Variants in THSD4 observed in about 807,000 individuals in gnomAD.
THSD4 encodes thrombospondin type 1 domain containing 4.
A neutral mutation model predicts 119.0 loss-of-function variants in THSD4; 69 were observed. The ratio of observed to expected loss-of-function variants is 0.58; its 90% CI spans 0.48 to 0.71. The LOEUF is 0.71. THSD4 is among the 30% of genes least tolerant of loss of function. The pLI is 0.00. For synonymous variants in THSD4, 524 were observed against 540.4 expected (o/e 0.97, Z 0.42); for missense variants, 1,393 against 1,391.1 (o/e 1.00, Z -0.02).
At chr15:71,118,192 A>T (rs1413777919) in intron 1 of THSD4, among the ~76,000 whole-genome samples, 1 of 152,090 alleles carries the variant, frequency 6.6e-6, no homozygotes, top group Non-Finnish European at 1.5e-5. Context: ...GGTTGAATCC[A>T]GGTTACTTTT....
intron 7 of THSD4, among the ~76,000 whole-genome samples, chr15:71,432,013 A>G (rs768502564): frequency 6.6e-6 from 1 of 152,076 alleles, no homozygotes; most frequent in Non-Finnish European, 1.5e-5. Context: ...CCACACAAAG[A>G]GATCTGGTTA....
intron 6 of THSD4, among the ~76,000 whole-genome samples, chr15:71,373,608 C>T (rs548038992): frequency 6.6e-6 from 1 of 152,302 alleles, no homozygotes; most frequent in South Asian, 2.1e-4. Flanking sequence ...TTTCCTTCAG[C>T]TTCTAAAAGA....
intron 7 of THSD4, among the ~76,000 whole-genome samples, chr15:71,581,358 C>T (rs7175147): frequency 0.95 from 144,407 of 152,262 alleles, 68,966 homozygotes; most frequent in Middle Eastern, 1. Context: ...GTATGCCTTA[C>T]TTTGAGAAAT....
intron 7 of THSD4, among the ~76,000 whole-genome samples, chr15:71,508,045 G>T (rs887791892): frequency 1.6e-4 from 24 of 152,242 alleles, no homozygotes; most frequent in Admixed American, 1.4e-3. Flanking sequence ...AGAAGTATGT[G>T]ATTGAGAAAG....
intron 7 of THSD4, among the ~76,000 whole-genome samples, chr15:71,537,837 C>T (rs1021575783): frequency 6.6e-6 from 1 of 151,994 alleles, no homozygotes; most frequent in Non-Finnish European, 1.5e-5. Context: ...GTGTTCTCGA[C>T]TCACTGCAAC....
At chr15:71,773,674 A>G (rs553243272) in intron 17 of THSD4, among the ~76,000 whole-genome samples, 1 of 152,370 alleles carries the variant, frequency 6.6e-6, no homozygotes, top group Non-Finnish European at 1.5e-5. Flanking sequence ...GAGTTATGAC[A>G]CACACTTCGG....
intron 3 of THSD4, among the ~76,000 whole-genome samples, chr15:71,193,244 C>T (rs1273325953): frequency 6.6e-6 from 1 of 152,190 alleles, no homozygotes; most frequent in African/African-American, 2.4e-5. Flanking sequence ...AGGACCCCCT[C>T]TTTCCTGTAA....
chr15:71,611,685 G>T (rs1244432885), intron 7 of THSD4, among the ~76,000 whole-genome samples: 1 of 152,228 alleles, frequency 6.6e-6, no homozygotes, highest in Non-Finnish European at 1.5e-5. Flanking sequence ...GGCCTGGGGT[G>T]GCCAGGAAAG....
chr15:71,749,357 C>T (rs1036210431), intron 14 of THSD4, among the ~76,000 whole-genome samples: 4 of 152,340 alleles, frequency 2.6e-5, no homozygotes, highest in African/African-American at 9.6e-5. Context: ...GCTTCCTTTC[C>T]TGGTGGGATC....
intron 6 of THSD4, among the ~76,000 whole-genome samples, chr15:71,260,861 G>A (rs2044388075): frequency 6.6e-6 from 1 of 152,192 alleles, no homozygotes; most frequent in Non-Finnish European, 1.5e-5. Flanking sequence ...AGCACTTTGG[G>A]AGGCTGAGGC....
rs373893575 is a variant in THSD4 at position 71,242,808 on chromosome 15, G to A, written c.624G>A (p.Arg208=). ...HSRSQGASSA[R]HGYSSPAHQV... ...GGTCCCAGGGAGCATCTTCTGCTAGGCATGGCTACAGTTCACCAGCCCACC... is the reference window on the plus strand; with the variant it reads ...GGTCCCAGGGAGCATCTTCTGCTAGACATGGCTACAGTTCACCAGCCCACC... Residue 208 remains arginine (R), a synonymous_variant, in exon 5 of 18, where the codon AGG becomes AGA. Transcript: ENST00000261862. The A allele has an allele frequency of 1.2e-5, 20 of 1,614,064 alleles. No homozygotes were observed. Among genetic ancestry groups the A allele is most frequent in the African/African-American group, 2.7e-5 (2 of 74,914 alleles).
At chr15:71,511,725 A>T (rs770167263) in intron 7 of THSD4, among the ~76,000 whole-genome samples, 28 of 152,186 alleles carry the variant, frequency 1.8e-4, no homozygotes, top group Non-Finnish European at 3.7e-4. Flanking sequence ...ATTTTATACA[A>T]TTATAATGAG....
intron 8 of THSD4, among the ~76,000 whole-genome samples, chr15:71,691,094 G>A (rs1434128384): frequency 6.6e-6 from 1 of 152,162 alleles, no homozygotes; most frequent in Non-Finnish European, 1.5e-5. Flanking sequence ...GATTTGAAGA[G>A]GCTGAACTGC....
At chr15:71,419,925 G>A (rs1294420632) in intron 7 of THSD4, among the ~76,000 whole-genome samples, 1 of 108,518 alleles carries the variant, frequency 9.2e-6, no homozygotes, top group Non-Finnish European at 2.0e-5. Context: ...TGATGCATGT[G>A]CTGAGGAAAA....
chr15:71,372,408 T>C (rs2046066404), intron 6 of THSD4, among the ~76,000 whole-genome samples: 1 of 152,212 alleles, frequency 6.6e-6, no homozygotes, highest in Admixed American at 6.5e-5. Context: ...ATCTTTGTGG[T>C]TTCATCTACT....
intron 7 of THSD4, among the ~76,000 whole-genome samples, chr15:71,464,780 C>T (rs1025576374): frequency 6.6e-6 from 1 of 152,098 alleles, no homozygotes; most frequent in Non-Finnish European, 1.5e-5. Context: ...TCCCAGAATC[C>T]TTATGTATAA....
At chr15:71,221,411 G>A (rs115887522) in intron 4 of THSD4, among the ~76,000 whole-genome samples, 2,818 of 152,186 alleles carry the variant, frequency 0.019, 110 homozygotes, top group African/African-American at 0.065. Context: ...AACTGAAACT[G>A]TACCCATGAA....
At chr15:71,613,543 A>G (rs1015099537) in intron 7 of THSD4, among the ~76,000 whole-genome samples, 2 of 152,186 alleles carry the variant, frequency 1.3e-5, no homozygotes, top group African/African-American at 4.8e-5. Context: ...ATAAGTCACA[A>G]TCTATTAAAT....
At chr15:71,419,360 T>C (rs1423832252) in intron 7 of THSD4, among the ~76,000 whole-genome samples, 1 of 105,326 alleles carries the variant, frequency 9.5e-6, no homozygotes, top group African/African-American at 3.2e-5. Context: ...CGCCACCACA[T>C]CTGACTAATT....
Sources: allele counts gnomAD v4.1 joint callset (sites outside exome capture counted in the v4.1 genomes callset), GRCh38; gene constraint gnomAD v4.1.1; transcripts MANE v1.5; gene names NCBI Gene and HGNC (gene_info 2026-07-23, HGNC 2026-07-21).